NCALD: variants seen among roughly 807,000 people sequenced by gnomAD.
The protein encoded by NCALD is neurocalcin-delta.
In NCALD, 10 loss-of-function variants were observed where a neutral mutation model predicts 18.6. The observed-to-expected ratio is 0.54, with a 90% CI of 0.33 to 0.91. The LOEUF (loss-of-function observed/expected upper bound fraction) is 0.91. NCALD is among the 40% of genes least tolerant of loss of function. The probability of loss-of-function intolerance (pLI) is 0.03; values close to 1 mark genes in which losing one functional copy is unlikely to be tolerated. For synonymous variants in NCALD, 88 were observed against 87.4 expected, an observed-to-expected ratio of 1.01 and a Z score of -0.04; for missense variants, 184 against 247.6, an observed-to-expected ratio of 0.74 and a Z score of 1.72.
intron 1 of NCALD, among the ~76,000 whole-genome samples, chr8:102,071,266 G>A (rs1824171113): frequency 6.6e-6 from 1 of 152,134 alleles, no homozygotes; most frequent in Non-Finnish European, 1.5e-5. Context: ...AAATAAAAAT[G>A]TATCAACTCA....
At chr8:101,739,212 T>A (rs1390081835) in intron 1 of NCALD, among the ~76,000 whole-genome samples, 1 of 152,064 alleles carries the variant, frequency 6.6e-6, no homozygotes, top group Non-Finnish European at 1.5e-5. Flanking sequence ...TCATGGCTCC[T>A]TACCTCCTCA....
In NCALD at chr8:101,689,516, T is replaced by C. The variant is rs1349962929; in HGVS notation, c.485-110A>G. The C allele has an allele frequency of 3.8e-6, 3 of 795,538 alleles. No individual in the cohort carries two copies. The highest frequency in any genetic ancestry group is 2.2e-5 in the Admixed American group (1 of 45,392). 49.3% of individuals were successfully genotyped at this position (795,538 alleles called of 1,614,324 possible). ...TCGATTCACCTGCCTGCAGCCTCACTGCCACTGTGACACACAGCACTCACC... is the reference window on the plus strand; with the variant it reads ...TCGATTCACCTGCCTGCAGCCTCACCGCCACTGTGACACACAGCACTCACC... On this transcript the variant is annotated intron_variant, in intron 3 of 3. Transcript: ENST00000220931. This position sits in a 1 kb window ranked among gnomAD's most constrained non-coding sequence, Gnocchi z 4.4.
At chr8:101,963,333 T>C (rs1230378435) in intron 2 of NCALD, among the ~76,000 whole-genome samples, 8 of 152,178 alleles carry the variant, frequency 5.3e-5, no homozygotes, top group African/African-American at 1.9e-4. Context: ...CTCCTTTTCC[T>C]GGTTTTTTGA....
chr8:101,719,242 G>A lies in NCALD; in HGVS notation c.378+10C>T. 1 of 1,610,882 alleles carries A rather than the reference G, an allele frequency of 6.2e-7. No individual in the cohort carries two copies. Among genetic ancestry groups the A allele is most frequent in the Non-Finnish European group, 8.5e-7 (1 of 1,178,634 alleles). On this transcript the variant is annotated intron_variant, in intron 2 of 3. Coordinates refer to ENST00000220931, the MANE Select transcript of NCALD (RefSeq NM_032041.3). The stretch of plus-strand genomic sequence containing the variant: ...TGCCCTTCTTTTTTTAAAGGGCTCA[G>A]TCTACGTACCTGCACGATCTCTAGC...
intron 4 of NCALD, among the ~76,000 whole-genome samples, chr8:101,805,436 G>A (rs1813063636): frequency 6.6e-6 from 1 of 152,172 alleles, no homozygotes; most frequent in African/African-American, 2.4e-5. Flanking sequence ...CCATTCATAA[G>A]GCAGAGACTC....
chr8:101,925,064 GA>G (rs11384234), intron 2 of NCALD, among the ~76,000 whole-genome samples: 4 of 150,538 alleles, frequency 2.7e-5, no homozygotes, highest in Admixed American at 6.6e-5. Flanking sequence ...TATGACAAAA[GA>G]AAAAAAAATA....
intron 2 of NCALD, among the ~76,000 whole-genome samples, chr8:101,995,851 C>T (rs1484706091): frequency 6.6e-6 from 1 of 152,220 alleles, no homozygotes; most frequent in African/African-American, 2.4e-5. Context: ...ACCAATTGTT[C>T]CAGCAACTTC....
At chr8:102,063,094 A>T (rs2132265633) in intron 1 of NCALD, among the ~76,000 whole-genome samples, 1 of 152,354 alleles carries the variant, frequency 6.6e-6, no homozygotes, top group East Asian at 1.9e-4. Context: ...GAATGCACTA[A>T]TTAAACCCAA....
At chr8:101,837,217 C>G (rs1440320677) in intron 4 of NCALD, among the ~76,000 whole-genome samples, 1 of 152,198 alleles carries the variant, frequency 6.6e-6, no homozygotes, top group African/African-American at 2.4e-5. Flanking sequence ...ACAGCTGGCA[C>G]TCTCCCTGTG....
chr8:102,001,246 T>C, intron 2 of NCALD, among the ~76,000 whole-genome samples: 1 of 152,190 alleles, frequency 6.6e-6, no homozygotes, highest in Non-Finnish European at 1.5e-5. Context: ...CCTCAGTAGC[T>C]GATTCGATCA....
At chr8:102,039,705 A>G (rs963367009) in intron 1 of NCALD, among the ~76,000 whole-genome samples, 1 of 151,748 alleles carries the variant, frequency 6.6e-6, no homozygotes, top group African/African-American at 2.4e-5. Context: ...TCCTCTCTAA[A>G]CCTCATGTCA....
intron 2 of NCALD, among the ~76,000 whole-genome samples, chr8:101,698,891 C>A (rs117214810): frequency 6.6e-6 from 1 of 151,916 alleles, no homozygotes; most frequent in Non-Finnish European, 1.5e-5. Flanking sequence ...ATGATGAAAA[C>A]GCCAAAAGCA....
At chr8:101,833,102 C>T (rs1421386897) in intron 4 of NCALD, among the ~76,000 whole-genome samples, 4 of 152,192 alleles carry the variant, frequency 2.6e-5, no homozygotes, top group Admixed American at 2.6e-4. Flanking sequence ...TCCTGAGCCA[C>T]AGCTTCCCCT....
At chr8:101,834,465 T>C (rs752863777) in intron 4 of NCALD, among the ~76,000 whole-genome samples, 13 of 152,348 alleles carry the variant, frequency 8.5e-5, no homozygotes, top group Non-Finnish European at 1.6e-4. Context: ...GGATGGGCCT[T>C]CAGTTTCCCT....
intron 1 of NCALD, among the ~76,000 whole-genome samples, chr8:102,044,929 T>C (rs1200888412): frequency 6.6e-6 from 1 of 152,082 alleles, no homozygotes; most frequent in Non-Finnish European, 1.5e-5. Flanking sequence ...TTCAATGCAT[T>C]AGTAGGTGGG....
chr8:101,811,384 A>G (rs1813298818), intron 4 of NCALD, among the ~76,000 whole-genome samples: 1 of 152,122 alleles, frequency 6.6e-6, no homozygotes, highest in African/African-American at 2.4e-5. Flanking sequence ...TGGAAAAGGA[A>G]AGGAAGTTGA....
intron 4 of NCALD, among the ~76,000 whole-genome samples, chr8:101,860,350 A>T (rs1393630846): frequency 6.6e-6 from 1 of 152,214 alleles, no homozygotes; most frequent in Non-Finnish European, 1.5e-5. Flanking sequence ...TCCTCCCAAG[A>T]TGATGATGAA....
At chr8:101,724,188 AAT>A (rs1322228290) in intron 1 of NCALD, among the ~76,000 whole-genome samples, 1 of 151,944 alleles carries the variant, frequency 6.6e-6, no homozygotes, top group African/African-American at 2.4e-5. Context: ...AATTTTTTCT[AAT>A]CACAGTTTTT....
intron 3 of NCALD, among the ~76,000 whole-genome samples, chr8:101,897,208 C>G (rs2131546570): frequency 7.1e-6 from 1 of 140,544 alleles, no homozygotes; most frequent in African/African-American, 2.7e-5. Context: ...GAGTTCATGT[C>G]CTTTGCAGGG....
Sources: gnomAD v4.1 joint callset for allele counts (sites outside exome capture counted in the v4.1 genomes callset) on GRCh38, gnomAD v4.1.1 for gene constraint, Gnocchi (gnomAD v3.1) non-coding constraint, MANE v1.5 for transcripts, NCBI Gene and HGNC (gene_info 2026-07-23, HGNC 2026-07-21) for gene names.